Variants in CDH13 observed in about 807,000 individuals in gnomAD.
The protein encoded by CDH13 is cadherin 13.
Under a neutral mutation model 63.8 loss-of-function variants are expected in CDH13, and 24 were observed. The observed-to-expected ratio is 0.38, with a 90% CI of 0.27 to 0.53. The LOEUF is 0.53. Ranked by LOEUF, CDH13 falls within the 20% of genes least tolerant of loss-of-function variation. The pLI, the probability that CDH13 is intolerant of heterozygous loss-of-function variation, is 0.85. For synonymous variants in CDH13, 503 were observed against 355.3 expected (o/e 1.42, Z -4.67); for missense variants, 1,049 against 903.1 (o/e 1.16, Z -2.07).
At position 83,670,903 on chromosome 16, in the gene CDH13, A is replaced by C; in HGVS notation, c.1215A>C (p.Gly405=). The C allele has an allele frequency of 6.2e-7, 1 of 1,613,450 alleles. No individual in the cohort carries two copies. The highest frequency in any genetic ancestry group is 8.5e-7 in the Non-Finnish European group (1 of 1,179,510). The part of the protein sequence containing the change: ...AWRAAYTIIN[G]NPGQSFEIHT... ...GGGCTGCCTACACCATCATCAACGG[A>C]AACCCCGGGCAGAGCTTTGAAATCC... is the stretch of plus-strand genomic sequence containing the variant. Residue 405 remains glycine, a synonymous_variant, in exon 9 of 14, where the codon GGA becomes GGC. Transcript: ENST00000567109.
intron 6 of CDH13, among the ~76,000 whole-genome samples, chr16:83,369,445 G>T (rs113476887): frequency 2.0e-5 from 3 of 151,824 alleles, no homozygotes; most frequent in African/African-American, 4.8e-5. Context: ...TTTTGAGCTG[G>T]GGTCTCCTGT....
rs61647390 is a variant in CDH13 at position 83,260,097 on chromosome 16, T to TACACACACACAC, written c.636+42635_636+42646dup. On this transcript the variant is annotated intron_variant, in intron 5 of 13. Transcript: ENST00000567109. ...TTTTTTTGTAACCATGTACCCCCAA[T>TACACACACACAC]ACACACACACACACACACACACACA... 1.6e-3 allele frequency among the ~76,000 whole-genome samples: 206 copies of TACACACACACAC among 126,516 alleles called. 3 individuals are homozygous for TACACACACACAC. Among genetic ancestry groups the TACACACACACAC allele is most frequent in the South Asian group, 0.013 (45 of 3,466 alleles). 83.0% of individuals were successfully genotyped at this position (126,516 alleles called of 152,430 possible). A position where few individuals can be genotyped will look rare whatever the true frequency, so the allele number is the denominator to read the frequency against.
chr16:83,248,955 A>C (rs186749982), intron 5 of CDH13, among the ~76,000 whole-genome samples: 1 of 152,322 alleles, frequency 6.6e-6, no homozygotes, highest in East Asian at 1.9e-4. Flanking sequence ...GAATTTTGGC[A>C]AGGAAGTTAT....
chr16:83,119,375 T>A (rs1224479634), intron 3 of CDH13, among the ~76,000 whole-genome samples: 7 of 152,212 alleles, frequency 4.6e-5, no homozygotes, highest in African/African-American at 7.2e-5. Context: ...CAATTCCTCA[T>A]GTCCCCTAGA....
At chr16:82,746,658 G>C (rs1321852082) in intron 1 of CDH13, among the ~76,000 whole-genome samples, 1 of 151,572 alleles carries the variant, frequency 6.6e-6, no homozygotes, top group Admixed American at 6.6e-5. Context: ...TTCTTCTCAA[G>C]TAAGTGGTTT....
At chr16:83,193,340 T>C (rs2038781597) in intron 4 of CDH13, among the ~76,000 whole-genome samples, 1 of 152,144 alleles carries the variant, frequency 6.6e-6, no homozygotes, top group Non-Finnish European at 1.5e-5. Context: ...TAATGTGTTC[T>C]CTGACACATA....
At chr16:83,268,536 C>T (rs758837655) in intron 5 of CDH13, among the ~76,000 whole-genome samples, 12 of 152,158 alleles carry the variant, frequency 7.9e-5, no homozygotes, top group East Asian at 5.8e-4. Context: ...AAGTTCATCC[C>T]GGGTCATGTT....
intron 1 of CDH13, among the ~76,000 whole-genome samples, chr16:82,695,278 G>C (rs1225238980): frequency 6.6e-6 from 1 of 152,170 alleles, no homozygotes; most frequent in Non-Finnish European, 1.5e-5. Flanking sequence ...TGTGGTGTTT[G>C]GATCTTTCTG....
chr16:83,565,118 T>C (rs1300711879), intron 7 of CDH13, among the ~76,000 whole-genome samples: 1 of 152,180 alleles, frequency 6.6e-6, no homozygotes, highest in Non-Finnish European at 1.5e-5. Flanking sequence ...CTCTTTCATG[T>C]TTGTAGTTCT....
At chr16:83,409,126 G>C (rs754555539) in intron 6 of CDH13, among the ~76,000 whole-genome samples, 24 of 152,182 alleles carry the variant, frequency 1.6e-4, no homozygotes, top group Non-Finnish European at 2.2e-4. Context: ...AAATAAGACA[G>C]GGGAGGGAAG....
At chr16:83,765,255 A>G (rs966296553) in intron 11 of CDH13, among the ~76,000 whole-genome samples, 2 of 152,218 alleles carry the variant, frequency 1.3e-5, no homozygotes, top group African/African-American at 4.8e-5. Flanking sequence ...GACTGAATGA[A>G]TAAAATGAAA....
intron 6 of CDH13, among the ~76,000 whole-genome samples, chr16:83,419,752 A>G (rs78668417): frequency 0.022 from 3,289 of 152,322 alleles, 137 homozygotes; most frequent in African/African-American, 0.075. Context: ...GTTATATACT[A>G]TGAAATATAT....
intron 2 of CDH13, among the ~76,000 whole-genome samples, chr16:82,973,662 C>T (rs551836074): frequency 4.6e-5 from 7 of 152,266 alleles, no homozygotes; most frequent in South Asian, 2.1e-4. Flanking sequence ...GAGGCTGCAG[C>T]GGGTCAAGGA....
intron 4 of CDH13, among the ~76,000 whole-genome samples, chr16:83,205,408 C>A (rs1011948256): frequency 2.0e-5 from 3 of 152,144 alleles, no homozygotes; most frequent in African/African-American, 7.2e-5. Flanking sequence ...ACTCCTCCTC[C>A]TCCAATCTGC....
chr16:83,541,415 C>A lies in CDH13; in HGVS notation c.960+54760C>A, dbSNP rs148332807. Among the ~76,000 whole-genome samples, 1,118 of 152,324 alleles carry A rather than the reference C, an allele frequency of 7.3e-3. 8 individuals are homozygous for A. Among genetic ancestry groups the A allele is most frequent in the Non-Finnish European group, 0.012 (825 of 68,020 alleles). ...GCTCCTCTCTTCTTTGCCTGACCAA[C>A]CTTACTCATCCTTTGAGGCATGTGG... is the stretch of plus-strand genomic sequence containing the variant. On this transcript the variant is annotated intron_variant, in intron 7 of 13. Coordinates refer to ENST00000567109, the MANE Select transcript of CDH13 (RefSeq NM_001257.5).
chr16:83,124,159 C>T (rs1036386853), intron 3 of CDH13, among the ~76,000 whole-genome samples: 2 of 152,232 alleles, frequency 1.3e-5, no homozygotes, highest in Non-Finnish European at 2.9e-5. Context: ...AATTCTCCTG[C>T]CTCAGCCTCC....
At chr16:83,352,560 A>G (rs1232805272) in intron 6 of CDH13, among the ~76,000 whole-genome samples, 1 of 152,190 alleles carries the variant, frequency 6.6e-6, no homozygotes, top group Non-Finnish European at 1.5e-5. Context: ...CCATACATAC[A>G]TACACACACA....
At chr16:83,479,957 A>C (rs1331700898) in intron 6 of CDH13, among the ~76,000 whole-genome samples, 2 of 152,198 alleles carry the variant, frequency 1.3e-5, no homozygotes, top group East Asian at 3.8e-4. Flanking sequence ...GTGTTAATGG[A>C]AACACAAGAG....
chr16:83,748,987 G>A (rs988271660), intron 11 of CDH13, among the ~76,000 whole-genome samples: 1 of 152,122 alleles, frequency 6.6e-6, no homozygotes, highest in African/African-American at 2.4e-5. Context: ...GACTAGGAGG[G>A]GATGAGAAAA....
Sources: gnomAD v4.1 joint callset for allele counts (sites outside exome capture counted in the v4.1 genomes callset) on GRCh38, gnomAD v4.1.1 for gene constraint, MANE v1.5 for transcripts, NCBI Gene and HGNC (gene_info 2026-07-23, HGNC 2026-07-21) for gene names.